ZNF750: variants seen among roughly 807,000 people sequenced by gnomAD.
ZNF750 encodes the protein protein ZNF750.
Under a neutral mutation model 31.6 loss-of-function variants are expected in ZNF750, and 10 were observed. The ratio of observed to expected loss-of-function variants is 0.32; its 90% confidence interval spans 0.19 to 0.54. The LOEUF is 0.54. ZNF750 is among the 20% of genes least tolerant of loss of function. The probability of loss-of-function intolerance (pLI) is 0.95; values close to 1 mark genes in which losing one functional copy is unlikely to be tolerated. For missense variants in ZNF750, 914 were observed against 934.9 expected, an observed-to-expected ratio of 0.98 and a Z score of 0.29; for synonymous variants, 400 against 404.9, an observed-to-expected ratio of 0.99 and a Z score of 0.15.
At position 82,830,529 on chromosome 17, in the gene ZNF750, G is replaced by C. The variant is rs1244870006; in HGVS notation, c.1785C>G (p.Ser595Arg). 1 of 1,613,952 alleles carries C rather than the reference G, an allele frequency of 6.2e-7. No homozygotes were observed. The highest frequency in any genetic ancestry group is 1.3e-5 in the African/African-American group (1 of 74,946). ...GGCTGCCTGGCTTGGTCTCAGGGTGGCTGGGCCCATCCTCAGAACCTTCTG... is the reference window on the plus strand; with the variant it reads ...GGCTGCCTGGCTTGGTCTCAGGGTGCCTGGGCCCATCCTCAGAACCTTCTG... ...TGTEGSEDGP[S>R]HPETKPGSLD... Residue 595 changes from serine (S) to arginine (R), a missense_variant, in exon 3 of 3, where the codon AGC becomes AGG. Ser to Arg is a moderately radical substitution (Grantham distance 110). Coordinates refer to ENST00000269394, the MANE Select transcript of ZNF750 (RefSeq NM_024702.3).
intron 1 of ZNF750, among the ~76,000 whole-genome samples, chr17:82,839,583 C>T (rs982690957): frequency 6.6e-6 from 1 of 152,200 alleles, no homozygotes; most frequent in Non-Finnish European, 1.5e-5. Context: ...TGACCCTTAC[C>T]TCTTGTTAGC....
At chr17:82,838,588 C>T (rs1013438094) in intron 1 of ZNF750, 8 of 928,958 alleles carry the variant, frequency 8.6e-6, no homozygotes, top group African/African-American at 7.2e-5. Context: ...ACACCATTGT[C>T]GCCTACCCAC....
chr17:82,830,954 A>G, intron 2 of ZNF750, 65 bp downstream of exon 2: 1 of 1,613,406 alleles, frequency 6.2e-7, no homozygotes. Context: ...AGCAAGTATA[A>G]GCCTGGCTCA....
Position 82,831,391 on chromosome 17 carries a change from A to T in ZNF750, c.1064T>A (p.Leu355Gln). 2 of 1,614,154 alleles carry T rather than the reference A, an allele frequency of 1.2e-6. No homozygotes were observed. Among genetic ancestry groups the T allele is most frequent in the Non-Finnish European group, 1.7e-6 (2 of 1,180,016 alleles). ...QSSHLLEEAT[L>Q]VYPASSPSRL... Reference sequence around the variant, plus strand: ...GGAAGGACTCGAGGCTGGATAGACCAGGGTGGCTTCTTCAAGCAGGTGAGA... The same window carrying T: ...GGAAGGACTCGAGGCTGGATAGACCTGGGTGGCTTCTTCAAGCAGGTGAGA... The change falls in exon 2 of 3, where the codon CTG becomes CAG. Residue 355 changes from leucine (L) to glutamine (Q), a missense_variant. By Grantham distance (113) the Leu-to-Gln change is moderately radical. Around this residue, in one of 2 missense-constraint regions of ZNF750, gnomAD observed 880 missense variants for 868.9 expected, o/e 1.01. Transcript: ENST00000269394. The surrounding 1 kb of genome is among the most constrained non-coding windows in gnomAD (Gnocchi z 4.6).
In ZNF750 at chr17:82,832,266, G is replaced by A. The variant is rs2053588475; in HGVS notation, c.189C>T (p.Pro63=). The change falls in exon 2 of 3, where the codon CCC becomes CCT. Residue 63 remains proline (P), a synonymous_variant. Coordinates refer to ENST00000269394, the MANE Select transcript of ZNF750 (RefSeq NM_024702.3). The surrounding 1 kb of genome is among the most constrained non-coding windows in gnomAD (Gnocchi z 4.9). The stretch of plus-strand genomic sequence containing the variant: ...CTAGTGAGTTAGATTTAGGGCACTT[G>A]GGAACTCGATCCTGCTCTGATACTA... The part of the protein sequence containing the change: ...ITLVSEQDRV[P]KCPKSNSLDP... The A allele has an allele frequency of 6.2e-7, 1 of 1,614,088 alleles. No homozygotes were observed.
intron 1 of ZNF750, among the ~76,000 whole-genome samples, chr17:82,834,182 A>G (rs2053766332): frequency 6.6e-6 from 1 of 152,140 alleles, no homozygotes. Context: ...TCCTGACCTC[A>G]GGTGATCCAC....
In ZNF750 at chr17:82,833,815, C is replaced by T. The variant is rs1333203747; in HGVS notation, c.-182-1179G>A. Among the ~76,000 whole-genome samples the T allele has an allele frequency of 6.6e-6, 1 of 152,098 alleles. No homozygotes were observed. Among genetic ancestry groups the T allele is most frequent in the East Asian group, 1.9e-4 (1 of 5,200 alleles). On this transcript the variant is annotated intron_variant, in intron 1 of 2. Coordinates refer to ENST00000269394, the MANE Select transcript of ZNF750 (RefSeq NM_024702.3). This position sits in a 1 kb window ranked among gnomAD's most constrained non-coding sequence, Gnocchi z 4.7. The stretch of plus-strand genomic sequence containing the variant: ...ACACCCACTCAGGTCCTGGGACCCA[C>T]CAGAGGCTGTGTGTGTGATGTCAGA...
Position 82,832,118 on chromosome 17 carries a change from C to G in ZNF750, c.337G>C (p.Glu113Gln). 1 of 1,614,218 alleles carries G rather than the reference C, an allele frequency of 6.2e-7. No homozygotes were observed. Among genetic ancestry groups the G allele is most frequent in the South Asian group, 1.1e-5 (1 of 91,088 alleles). The change falls in exon 2 of 3, where the codon GAA becomes CAA. Residue 113 changes from glutamate to glutamine, a missense_variant. Around this residue, in one of 2 missense-constraint regions of ZNF750, gnomAD observed 880 missense variants for 868.9 expected, o/e 1.01. Coordinates refer to ENST00000269394, the MANE Select transcript of ZNF750 (RefSeq NM_024702.3). The surrounding 1 kb of genome is among the most constrained non-coding windows in gnomAD (Gnocchi z 4.9). ...CCCCGGGCTTGCAGCTCCAGGTTTT[C>G]CTTGATGTCTTCCCTGGCAGAGCTG... ...QHSSAREDIK[E>Q]NLELQARGTH...
In ZNF750 at chr17:82,832,155, C is replaced by T. The variant is rs35785432; in HGVS notation, c.300G>A (p.Ser100=). ...CCCTGGCAGAGCTGTGCTGAAGCTT[C>T]GAGTCGAAGGCAGAGAGTCCATTTG... ...SVANGLSAFD[S]KLQHSSARED... Residue 100 remains serine (S), a synonymous_variant, in exon 2 of 3, where the codon TCG becomes TCA. Coordinates refer to ENST00000269394, the MANE Select transcript of ZNF750 (RefSeq NM_024702.3). The surrounding 1 kb of genome is among the most constrained non-coding windows in gnomAD (Gnocchi z 4.9). 5.6e-6 allele frequency: 9 copies of T among 1,614,186 alleles called. No homozygotes were observed. Among genetic ancestry groups the T allele is most frequent in the East Asian group, 4.5e-5 (2 of 44,882 alleles).
intron 1 of ZNF750, among the ~76,000 whole-genome samples, chr17:82,836,971 G>T (rs2054039628): frequency 1.3e-5 from 2 of 152,166 alleles, no homozygotes; most frequent in Non-Finnish European, 2.9e-5. Flanking sequence ...TTGCTCGAAG[G>T]GAATTGGTGT....
At chr17:82,836,644 A>G (rs567951755) in intron 1 of ZNF750, among the ~76,000 whole-genome samples, 18 of 151,806 alleles carry the variant, frequency 1.2e-4, no homozygotes, top group Non-Finnish European at 2.5e-4. Context: ...TGAGGACTTC[A>G]GTTTTCGAAG....
chr17:82,832,303 T>G lies in ZNF750; in HGVS notation c.152A>C (p.Asn51Thr). 1 of 1,614,034 alleles carries G rather than the reference T, an allele frequency of 6.2e-7. No individual in the cohort carries two copies. The highest frequency in any genetic ancestry group is 1.1e-5 in the South Asian group (1 of 91,080). Residue 51 changes from asparagine (N) to threonine (T), a missense_variant, in exon 2 of 3, where the codon AAC becomes ACC. Asn to Thr is a moderately conservative substitution (Grantham distance 65). This residue lies in a region of ZNF750 where 34 missense variants were observed against 66.0 expected (regional missense o/e 0.52). Coordinates refer to ENST00000269394, the MANE Select transcript of ZNF750 (RefSeq NM_024702.3). The surrounding 1 kb of genome is among the most constrained non-coding windows in gnomAD (Gnocchi z 4.9). The stretch of plus-strand genomic sequence containing the variant: ...CTGCTCTGATACTAAAGTAATCGAG[T>G]TTTTACAAAGACCATACTTCATGTG... ...FNHMKYGLCK[N>T]SITLVSEQDR... is the part of the protein sequence containing the mutation.
In ZNF750 at chr17:82,835,635, G is replaced by T. The variant is rs997065246; in HGVS notation, c.-182-2999C>A. Among the ~76,000 whole-genome samples, 13 of 151,902 alleles carry T rather than the reference G, an allele frequency of 8.6e-5. No individual in the cohort carries two copies. The highest frequency in any genetic ancestry group is 3.1e-4 in the African/African-American group (13 of 41,312). On this transcript the variant is annotated intron_variant, in intron 1 of 2. Transcript: ENST00000269394. This position sits in a 1 kb window ranked among gnomAD's most constrained non-coding sequence, Gnocchi z 4.5. ...AGATGGGGTTTCACTATGTTGGCCC[G>T]GCTGGTCTTGAACTCCTGACCTCAG...
intron 1 of ZNF750, chr17:82,838,723 C>T: frequency 4.1e-6 from 4 of 985,366 alleles, no homozygotes; most frequent in Non-Finnish European, 4.8e-6. Context: ...ACAACCAAGA[C>T]CTGGGGAAAA....
chr17:82,833,988 A>C lies in ZNF750; in HGVS notation c.-182-1352T>G, dbSNP rs190118231. Among the ~76,000 whole-genome samples, 1 of 150,996 alleles carries C rather than the reference A, an allele frequency of 6.6e-6. No individual in the cohort carries two copies. Among genetic ancestry groups the C allele is most frequent in the South Asian group, 2.1e-4 (1 of 4,730 alleles). On this transcript the variant is annotated intron_variant, in intron 1 of 2. Transcript: ENST00000269394. The surrounding 1 kb of genome is among the most constrained non-coding windows in gnomAD (Gnocchi z 4.7). ...AGACAGAGTTTCTCCCTTGTTGCCC[A>C]GTCTGGAGTGCCATGGCGCAATCTC...
In ZNF750 at chr17:82,835,998, C is replaced by T. The variant is rs2053938174; in HGVS notation, c.-182-3362G>A. The stretch of plus-strand genomic sequence containing the variant: ...GACCCCGCGCTCAGCACCCGTCTCC[C>T]ACCGTGGGCTGCCACAGAAGCTACA... On this transcript the variant is annotated intron_variant, in intron 1 of 2. Coordinates refer to ENST00000269394, the MANE Select transcript of ZNF750 (RefSeq NM_024702.3). This position sits in a 1 kb window ranked among gnomAD's most constrained non-coding sequence, Gnocchi z 4.5. Among the ~76,000 whole-genome samples the T allele has an allele frequency of 6.6e-6, 1 of 152,230 alleles. No individual in the cohort carries two copies. Among genetic ancestry groups the T allele is most frequent in the Admixed American group, 6.5e-5 (1 of 15,292 alleles).
chr17:82,833,423 C>T lies in ZNF750; in HGVS notation c.-182-787G>A, dbSNP rs533018563. Among the ~76,000 whole-genome samples, 1 of 152,218 alleles carries T rather than the reference C, an allele frequency of 6.6e-6. No homozygotes were observed. The highest frequency in any genetic ancestry group is 2.4e-5 in the African/African-American group (1 of 41,456). Reference sequence around the variant, plus strand: ...ATGAAGAACATTCGAACACAAGACTCTACCCTACTGCTTCTAAAGTCAGCT... The same window carrying T: ...ATGAAGAACATTCGAACACAAGACTTTACCCTACTGCTTCTAAAGTCAGCT... On this transcript the variant is annotated intron_variant, in intron 1 of 2. Coordinates refer to ENST00000269394, the MANE Select transcript of ZNF750 (RefSeq NM_024702.3). The surrounding 1 kb of genome is among the most constrained non-coding windows in gnomAD (Gnocchi z 4.7).
chr17:82,838,903 G>A (rs1228761092), intron 1 of ZNF750: 1 of 985,298 alleles, frequency 1.0e-6, no homozygotes, highest in African/African-American at 1.7e-5. Context: ...AATGCTGGAA[G>A]GCCTTTGCTA....
intron 1 of ZNF750, chr17:82,838,840 A>G: frequency 8.1e-6 from 8 of 985,428 alleles, no homozygotes; most frequent in Non-Finnish European, 9.6e-6. Flanking sequence ...TGAGCTCGTA[A>G]ACAAACGCTC....
Sources: gnomAD v4.1 joint callset for allele counts (sites outside exome capture counted in the v4.1 genomes callset) on GRCh38, gnomAD v4.1.1 for gene constraint, gnomAD v4.1.1 regional missense constraint, Gnocchi (gnomAD v3.1) non-coding constraint, MANE v1.5 for transcripts, NCBI Gene and HGNC (gene_info 2026-07-23, HGNC 2026-07-21) for gene names.